Variants in UST observed in about 807,000 individuals in gnomAD.
UST encodes the protein chondroitin sulfate 2-O-sulfotransferase.
In UST, 21 loss-of-function variants were observed where a neutral mutation model predicts 45.6. The ratio of observed to expected loss-of-function variants is 0.46; its 90% CI spans 0.33 to 0.66. The LOEUF (loss-of-function observed/expected upper bound fraction) is 0.66, where lower values mean the gene tolerates loss of function less well. Ranked by LOEUF, UST falls within the 30% of genes least tolerant of loss-of-function variation. The pLI is 0.02. For missense variants in UST, 463 were observed against 512.4 expected (o/e 0.90, Z 0.93); for synonymous variants, 215 against 200.6 (o/e 1.07, Z -0.61).
chr6:148,973,043 C>T (rs2114970489), intron 5 of UST, among the ~76,000 whole-genome samples: 1 of 152,332 alleles, frequency 6.6e-6, no homozygotes, highest in African/African-American at 2.4e-5. Flanking sequence ...CCTTCTTATC[C>T]TCTGCCCATT....
chr6:148,946,001 C>G (rs960490661), intron 3 of UST, among the ~76,000 whole-genome samples: 3 of 152,196 alleles, frequency 2.0e-5, no homozygotes, highest in Non-Finnish European at 4.4e-5. Flanking sequence ...CCCTAGATAG[C>G]TTTAGCTTCC....
intron 3 of UST, among the ~76,000 whole-genome samples, chr6:148,949,134 T>C (rs1780306726): frequency 6.6e-6 from 1 of 151,672 alleles, no homozygotes; most frequent in South Asian, 2.1e-4. Flanking sequence ...CTACTAAAAA[T>C]ACAAAAATTA....
At position 148,887,004 on chromosome 6, in the gene UST, A is replaced by G; in HGVS notation, c.266A>G (p.Asp89Gly). 1.2e-6 allele frequency: 2 copies of G among 1,612,738 alleles called. No homozygotes were observed. The highest frequency in any genetic ancestry group is 1.7e-6 in the Non-Finnish European group (2 of 1,179,532). Residue 89 changes from aspartate (D) to glycine (G), a missense_variant, in exon 2 of 8, where the codon GAT (aspartate) becomes GGT (glycine). By Grantham distance (94) the Asp-to-Gly change is moderately conservative. Coordinates refer to ENST00000367463, the MANE Select transcript of UST (RefSeq NM_005715.3). Reference sequence around the variant, plus strand: ...TTTCTAGGAAATTCCACTTACTTGGATGACCATGGACCACCTCCTAGTAAG... The same window carrying G: ...TTTCTAGGAAATTCCACTTACTTGGGTGACCATGGACCACCTCCTAGTAAG... ...RQYLGNSTYL[D>G]DHGPPPSKVL...
At chr6:149,016,426 G>A (rs1775900140) in intron 5 of UST, among the ~76,000 whole-genome samples, 1 of 152,212 alleles carries the variant, frequency 6.6e-6, no homozygotes, top group Admixed American at 6.5e-5. Context: ...GCAAATGGAA[G>A]AGGTGTCTGC....
At chr6:148,964,235 A>G (rs1466207646) in intron 4 of UST, among the ~76,000 whole-genome samples, 175 bp from the exon 5 acceptor site, 2 of 152,228 alleles carry the variant, frequency 1.3e-5, no homozygotes, top group Non-Finnish European at 1.5e-5. Context: ...CACTTCCTGC[A>G]TGATAATAAA....
Position 148,900,368 on chromosome 6 carries a change from G to A in UST, c.291+13339G>A, listed in dbSNP as rs772761534. Among the ~76,000 whole-genome samples, 15 of 152,268 alleles carry A rather than the reference G, an allele frequency of 9.9e-5. No individual in the cohort carries two copies. The East Asian group carries it at 1.2e-3, about 12-fold the overall frequency. ...GAATTGTAGCTCCAATAATCCCCAC[G>A]TGTTGTGGGAGGGACCCAGTGGGAG... is the stretch of plus-strand genomic sequence containing the variant. On this transcript the variant is annotated intron_variant, in intron 2 of 7. Transcript: ENST00000367463.
chr6:148,920,513 C>T (rs770463227), intron 2 of UST, among the ~76,000 whole-genome samples: 1 of 152,088 alleles, frequency 6.6e-6, no homozygotes, highest in Non-Finnish European at 1.5e-5. Flanking sequence ...TGCCCACCCT[C>T]GAGAGGTTTC....
chr6:149,022,323 G>A (rs191539783), intron 7 of UST, among the ~76,000 whole-genome samples: 8 of 152,282 alleles, frequency 5.3e-5, no homozygotes, highest in Admixed American at 3.9e-4. Flanking sequence ...AGATAGGCCC[G>A]GTGCGGTGGC....
At chr6:148,882,891 A>G (rs9390624) in intron 1 of UST, among the ~76,000 whole-genome samples, 11,306 of 152,312 alleles carry the variant, frequency 0.074, 841 homozygotes, top group East Asian at 0.36. Flanking sequence ...TGGTTTCTAG[A>G]TCCTTCTACA....
At chr6:149,014,293 G>A (rs1392925082) in intron 5 of UST, among the ~76,000 whole-genome samples, 1 of 152,222 alleles carries the variant, frequency 6.6e-6, no homozygotes, top group Non-Finnish European at 1.5e-5. Context: ...GAGCACTCAG[G>A]CCAGCTTGGA....
chr6:148,901,743 A>T (rs1779262527), intron 2 of UST, among the ~76,000 whole-genome samples: 1 of 151,980 alleles, frequency 6.6e-6, no homozygotes, highest in Non-Finnish European at 1.5e-5. Context: ...TTTTTAGTAG[A>T]GATGGGGGTT....
intron 5 of UST, among the ~76,000 whole-genome samples, chr6:148,995,823 C>T (rs987879357): frequency 6.6e-6 from 1 of 152,234 alleles, no homozygotes; most frequent in African/African-American, 2.4e-5. Context: ...GCATCTGCCC[C>T]CTGGAGACAG....
chr6:148,913,458 A>T (rs1356465388), intron 2 of UST, among the ~76,000 whole-genome samples: 2 of 113,350 alleles, frequency 1.8e-5, no homozygotes, highest in South Asian at 2.7e-4. Context: ...TGAGGATTGG[A>T]ATGACCAAGG....
chr6:149,026,656 G>A (rs1776054708), intron 7 of UST, among the ~76,000 whole-genome samples: 1 of 152,108 alleles, frequency 6.6e-6, no homozygotes, highest in African/African-American at 2.4e-5. Flanking sequence ...GCAAATAACC[G>A]AGCTGTTCTG....
At chr6:148,843,885 A>G (rs1478418805) in intron 1 of UST, among the ~76,000 whole-genome samples, 1 of 152,124 alleles carries the variant, frequency 6.6e-6, no homozygotes. Context: ...TTCTGCATAG[A>G]GCACATACTT....
At chr6:148,894,860 C>T (rs558696792) in intron 2 of UST, among the ~76,000 whole-genome samples, 2 of 127,976 alleles carry the variant, frequency 1.6e-5, no homozygotes, top group Admixed American at 1.7e-4. Context: ...GCTCTATTGC[C>T]AGGCTGGAGT....
intron 1 of UST, among the ~76,000 whole-genome samples, chr6:148,832,740 G>T (rs1562271436): frequency 6.6e-6 from 1 of 152,136 alleles, no homozygotes; most frequent in Non-Finnish European, 1.5e-5. Context: ...TATTAGAGTT[G>T]GGATACCCAG....
chr6:148,789,693 G>A (rs116849696), intron 1 of UST, among the ~76,000 whole-genome samples: 5,332 of 151,928 alleles, frequency 0.035, 138 homozygotes, highest in Non-Finnish European at 0.053. Context: ...GAATTACGGA[G>A]GCTGAATTAC....
intron 1 of UST, among the ~76,000 whole-genome samples, chr6:148,808,326 G>A (rs7764089): frequency 0.78 from 118,785 of 152,122 alleles, 47,105 homozygotes; most frequent in East Asian, 0.99. Flanking sequence ...CCTCATAGGC[G>A]AATGTTTTCC....
Sources: allele counts gnomAD v4.1 joint callset (sites outside exome capture counted in the v4.1 genomes callset), GRCh38; gene constraint gnomAD v4.1.1; transcripts MANE v1.5; gene names NCBI Gene and HGNC (gene_info 2026-07-23, HGNC 2026-07-21).